WDR70: variants seen among roughly 807,000 people sequenced by gnomAD.
WDR70 encodes WD repeat-containing protein 70.
In WDR70, 53 loss-of-function variants were observed where a neutral mutation model predicts 88.6. That is an observed-to-expected ratio of 0.60 (90% CI 0.48 to 0.75). The LOEUF (loss-of-function observed/expected upper bound fraction) is 0.75. WDR70 is among the 30% of genes least tolerant of loss of function. The pLI, the probability that WDR70 is intolerant of heterozygous loss-of-function variation, is 0.00. For synonymous variants in WDR70, 280 were observed against 270.0 expected (o/e 1.04, Z -0.36); for missense variants, 610 against 823.2 (o/e 0.74, Z 3.17).
intron 8 of WDR70, among the ~76,000 whole-genome samples, chr5:37,515,247 A>G (rs969177106): frequency 6.7e-5 from 10 of 149,576 alleles, no homozygotes; most frequent in Non-Finnish European, 1.5e-4. Context: ...TTTTAGGACC[A>G]TGGTTATGGG....
chr5:37,469,658 A>G (rs966594630), intron 7 of WDR70, among the ~76,000 whole-genome samples: 6 of 152,210 alleles, frequency 3.9e-5, no homozygotes, highest in African/African-American at 9.6e-5. Context: ...GATGCTAAAG[A>G]GTAGTTGCTG....
chr5:37,497,022 T>C (rs931722371), intron 8 of WDR70, among the ~76,000 whole-genome samples: 44 of 152,216 alleles, frequency 2.9e-4, no homozygotes, highest in Admixed American at 2.8e-3. Flanking sequence ...ATTGGAATGT[T>C]TCTTTTATTG....
intron 9 of WDR70, among the ~76,000 whole-genome samples, chr5:37,574,206 CT>C (rs1419485548): frequency 6.6e-6 from 1 of 152,116 alleles, no homozygotes; most frequent in Non-Finnish European, 1.5e-5. Context: ...GTTAGGTAGA[CT>C]TGGCCAGGTC....
At chr5:37,585,241 C>T (rs1743332721) in intron 9 of WDR70, among the ~76,000 whole-genome samples, 1 of 152,112 alleles carries the variant, frequency 6.6e-6, no homozygotes, top group Admixed American at 6.6e-5. Context: ...CCTCCCGCCT[C>T]AGCCTCCCAA....
chr5:37,618,110 T>G (rs1039704880), intron 10 of WDR70, among the ~76,000 whole-genome samples: 3 of 152,212 alleles, frequency 2.0e-5, no homozygotes, highest in African/African-American at 7.2e-5. Context: ...TTTATGGATG[T>G]GTATTGACAT....
At chr5:37,657,277 G>A (rs2112570335) in intron 10 of WDR70, among the ~76,000 whole-genome samples, 1 of 152,252 alleles carries the variant, frequency 6.6e-6, no homozygotes, top group Non-Finnish European at 1.5e-5. Context: ...GTGCTTCCCG[G>A]GTGAGATGAC....
At chr5:37,389,798 G>A (rs1015111084) in intron 3 of WDR70, among the ~76,000 whole-genome samples, 7 of 151,984 alleles carry the variant, frequency 4.6e-5, no homozygotes, top group African/African-American at 1.7e-4. Flanking sequence ...CTCTTGACCC[G>A]CCTCAGCCCA....
At chr5:37,642,098 C>T (rs6451330) in intron 10 of WDR70, among the ~76,000 whole-genome samples, 71,027 of 152,038 alleles carry the variant, frequency 0.47, 18,146 homozygotes, top group Non-Finnish European at 0.58. Context: ...TATAAACTTC[C>T]TACACTTACG....
intron 7 of WDR70, among the ~76,000 whole-genome samples, chr5:37,466,567 A>C (rs1395680897): frequency 6.6e-6 from 1 of 151,854 alleles, no homozygotes; most frequent in Admixed American, 6.6e-5. Context: ...TTAGCCGGGC[A>C]TGGTGGCGGG....
chr5:37,500,000 T>C (rs1740356551), intron 8 of WDR70, among the ~76,000 whole-genome samples: 1 of 152,218 alleles, frequency 6.6e-6, no homozygotes, highest in Non-Finnish European at 1.5e-5. Flanking sequence ...TTTACATGAA[T>C]GAATTGTACA....
intron 5 of WDR70, among the ~76,000 whole-genome samples, chr5:37,415,651 CG>C (rs1749705049): frequency 6.7e-6 from 1 of 150,124 alleles, no homozygotes; most frequent in Admixed American, 6.6e-5. Flanking sequence ...GGCGGCTGGC[CG>C]GGCGGGGGGC....
At chr5:37,591,841 A>G (rs1285725253) in intron 9 of WDR70, among the ~76,000 whole-genome samples, 2 of 152,262 alleles carry the variant, frequency 1.3e-5, no homozygotes, top group Non-Finnish European at 2.9e-5. Context: ...TGATTAAGTC[A>G]TATTTAAACC....
intron 10 of WDR70, among the ~76,000 whole-genome samples, chr5:37,676,538 A>C (rs567301940): frequency 6.6e-6 from 1 of 152,046 alleles, no homozygotes; most frequent in African/African-American, 2.4e-5. Context: ...GATTACATTT[A>C]TTGATTTGCG....
chr5:37,727,409 C>A (rs187788291), intron 17 of WDR70, among the ~76,000 whole-genome samples: 17 of 152,210 alleles, frequency 1.1e-4, no homozygotes, highest in African/African-American at 4.1e-4. Flanking sequence ...TATGAACTCA[C>A]TTTTATTTAT....
At chr5:37,551,314 G>A (rs140548813) in intron 9 of WDR70, among the ~76,000 whole-genome samples, 2,307 of 148,850 alleles carry the variant, frequency 0.015, 53 homozygotes, top group African/African-American at 0.054. Flanking sequence ...CCCCCCCTCC[G>A]CAAAAAAAAA....
chr5:37,468,966 C>A (rs913694602), intron 7 of WDR70, among the ~76,000 whole-genome samples: 1 of 152,164 alleles, frequency 6.6e-6, no homozygotes, highest in Non-Finnish European at 1.5e-5. Flanking sequence ...GATCCTGGAA[C>A]TAGTCCCCCA....
At chr5:37,482,655 C>G (rs1418444431) in intron 8 of WDR70, among the ~76,000 whole-genome samples, 1 of 152,124 alleles carries the variant, frequency 6.6e-6, no homozygotes, top group African/African-American at 2.4e-5. Context: ...TGCTTGATTG[C>G]TAGGTTGCAT....
At chr5:37,749,830 GA>G (rs61354861) in intron 17 of WDR70, among the ~76,000 whole-genome samples, 9 of 142,518 alleles carry the variant, frequency 6.3e-5, no homozygotes, top group African/African-American at 2.3e-4. Flanking sequence ...AATACTAGGT[GA>G]AAAAAAAAAC....
chr5:37,622,384 A>G (rs1744532189), intron 10 of WDR70, among the ~76,000 whole-genome samples: 1 of 151,838 alleles, frequency 6.6e-6, no homozygotes, highest in African/African-American at 2.4e-5. Flanking sequence ...CAGCCATCCC[A>G]TTACTGGGTA....
Sources: gnomAD v4.1 joint callset for allele counts (sites outside exome capture counted in the v4.1 genomes callset) on GRCh38, gnomAD v4.1.1 for gene constraint, MANE v1.5 for transcripts, NCBI Gene and HGNC (gene_info 2026-07-23, HGNC 2026-07-21) for gene names.